PRKCH: variants seen among roughly 807,000 people sequenced by gnomAD.
PRKCH encodes protein kinase C eta type.
Under a neutral mutation model 82.5 loss-of-function variants are expected in PRKCH, and 28 were observed. The observed-to-expected ratio is 0.34, with a 90% CI of 0.25 to 0.47. The LOEUF (loss-of-function observed/expected upper bound fraction) is 0.47. Among genes scored for constraint, PRKCH ranks in the 20% least tolerant of loss-of-function variants. PRKCH has a pLI of 1.00. For synonymous variants in PRKCH, 322 were observed against 327.4 expected (o/e 0.98, Z 0.18); for missense variants, 705 against 881.8 (o/e 0.80, Z 2.54).
At chr14:61,451,277 A>C (rs1462680531) in intron 6 of PRKCH, among the ~76,000 whole-genome samples, 1 of 152,210 alleles carries the variant, frequency 6.6e-6, no homozygotes, top group Non-Finnish European at 1.5e-5. Flanking sequence ...AAAAGATGGG[A>C]TCTTAGTCAG....
chr14:61,363,266 T>C (rs982036828), intron 1 of PRKCH, among the ~76,000 whole-genome samples: 12 of 152,236 alleles, frequency 7.9e-5, no homozygotes, highest in African/African-American at 2.6e-4. Context: ...TGTTGAAAAA[T>C]TTTAAGCAGG....
chr14:61,533,660 A>G (rs2043071168), intron 12 of PRKCH, among the ~76,000 whole-genome samples: 1 of 152,196 alleles, frequency 6.6e-6, no homozygotes, highest in Non-Finnish European at 1.5e-5. Flanking sequence ...CCTTGGGCAA[A>G]TGGCCTAATT....
intron 2 of PRKCH, among the ~76,000 whole-genome samples, chr14:61,395,733 C>T (rs755001645): frequency 2.0e-5 from 3 of 152,152 alleles, no homozygotes; most frequent in Non-Finnish European, 1.5e-5. Flanking sequence ...GTCATTTCCC[C>T]TACCCCTGCC....
Position 61,413,473 on chromosome 14 carries a change from T to C in PRKCH, c.427+22185T>C, listed in dbSNP as rs374345600. 1.4e-4 allele frequency among the ~76,000 whole-genome samples: 20 copies of C among 139,788 alleles called. No individual in the cohort carries two copies. The South Asian group carries it at 4.6e-3, about 32-fold the overall frequency. 91.7% of individuals were successfully genotyped at this position (139,788 alleles called of 152,430 possible). A position where few individuals can be genotyped will look rare whatever the true frequency, so the allele number is the denominator to read the frequency against. ...CAAGTGGCTTAGATCCTACTTAATC[T>C]GGAAAATTGCATCAGGTGTGAGTGA... On this transcript the variant is annotated intron_variant, in intron 2 of 13. Coordinates refer to ENST00000332981, the MANE Select transcript of PRKCH (RefSeq NM_006255.5).
chr14:61,298,480 G>A (rs576758070), intron 1 of PRKCH: 3 of 152,244 alleles, frequency 2.0e-5, no homozygotes, highest in Non-Finnish European at 4.4e-5. Context: ...CCAGGATTTG[G>A]AACCAGGAAG....
At chr14:61,515,815 T>C (rs1486070318) in intron 10 of PRKCH, among the ~76,000 whole-genome samples, 5 of 152,220 alleles carry the variant, frequency 3.3e-5, no homozygotes, top group African/African-American at 1.2e-4. Context: ...TTGATTCTTA[T>C]AAAAATCATG....
intron 9 of PRKCH, among the ~76,000 whole-genome samples, chr14:61,461,537 TCACCAGGTGGTAACCTTTG>T (rs1260570833): frequency 6.6e-6 from 1 of 152,214 alleles, no homozygotes; most frequent in Non-Finnish European, 1.5e-5. Flanking sequence ...TAGATCATCT[TCACCAGGTGGTAACCTTTG>T]AGTCAAGCAG....
At chr14:61,247,177 G>A (rs996326914) in intron 1 of PRKCH, among the ~76,000 whole-genome samples, 1 of 151,846 alleles carries the variant, frequency 6.6e-6, no homozygotes, top group African/African-American at 2.4e-5. Flanking sequence ...GTAAGAGTTG[G>A]CATTCAAAAA....
At position 61,395,250 on chromosome 14, in the gene PRKCH, G is replaced by A. The variant is rs567199142; in HGVS notation, c.427+3962G>A. ...CGCTCCCTTGTCACATGCAGAGGAC[G>A]TGATGGCTGCCTGTCTGTGTTAAGT... On this transcript the variant is annotated intron_variant, in intron 2 of 13. Coordinates refer to ENST00000332981, the MANE Select transcript of PRKCH (RefSeq NM_006255.5). Among the ~76,000 whole-genome samples, 8 of 149,424 alleles carry A rather than the reference G, an allele frequency of 5.4e-5. No individual in the cohort carries two copies. The South Asian group carries it at 6.4e-4, about 12-fold the overall frequency.
chr14:61,203,572 TC>T (rs1487088323), intron 1 of PRKCH, among the ~76,000 whole-genome samples: 4 of 152,086 alleles, frequency 2.6e-5, no homozygotes, highest in Non-Finnish European at 5.9e-5. Context: ...AAAGCCTGAC[TC>T]CCAAGGTTGG....
intron 12 of PRKCH, among the ~76,000 whole-genome samples, chr14:61,536,269 G>T (rs144968668): frequency 2.4e-4 from 37 of 152,308 alleles, no homozygotes; most frequent in African/African-American, 8.9e-4. Context: ...GCCTTCTCAA[G>T]AAGTGTCCTT....
chr14:61,468,804 C>T (rs1448576153), intron 9 of PRKCH, among the ~76,000 whole-genome samples: 1 of 152,142 alleles, frequency 6.6e-6, no homozygotes. Flanking sequence ...TAATTTAAAT[C>T]TTTGATGTAA....
In PRKCH at chr14:61,280,804, G is replaced by T; in HGVS notation, c.-19+93136G>T. 6.4e-7 allele frequency: 1 copy of T among 1,561,590 alleles called. No individual in the cohort carries two copies. Among genetic ancestry groups the T allele is most frequent in the African/African-American group, 1.4e-5 (1 of 74,042 alleles). ...GCGCCGGTTGTTCTGGTAGAAGTTGGTCAGCTCGTAGTAGAGGTACACTGG... is the reference window on the plus strand; with the variant it reads ...GCGCCGGTTGTTCTGGTAGAAGTTGTTCAGCTCGTAGTAGAGGTACACTGG... On this transcript the variant is annotated intron_variant, in intron 1 of 3. Transcript: ENST00000555185. The surrounding 1 kb of genome is among the most constrained non-coding windows in gnomAD (Gnocchi z 5.0).
intron 1 of PRKCH, among the ~76,000 whole-genome samples, chr14:61,264,322 T>G (rs1351696250): frequency 6.6e-6 from 1 of 152,232 alleles, no homozygotes; most frequent in African/African-American, 2.4e-5. Flanking sequence ...TCTTGTTACA[T>G]GGGTTGGAAG....
At chr14:61,506,655 A>G (rs777769784) in intron 10 of PRKCH, among the ~76,000 whole-genome samples, 2 of 152,100 alleles carry the variant, frequency 1.3e-5, no homozygotes, top group Non-Finnish European at 2.9e-5. Flanking sequence ...GGCTACCAAG[A>G]AAAGAAAAAA....
chr14:61,224,889 T>TA (rs1050148842), intron 1 of PRKCH, among the ~76,000 whole-genome samples: 6 of 152,194 alleles, frequency 3.9e-5, no homozygotes, highest in Non-Finnish European at 5.9e-5. Context: ...GCAGGGCCCT[T>TA]AGGAGTGCCA....
intron 1 of PRKCH, among the ~76,000 whole-genome samples, chr14:61,365,376 T>C (rs1415799380): frequency 6.6e-6 from 1 of 152,142 alleles, no homozygotes; most frequent in East Asian, 1.9e-4. Flanking sequence ...CTTTTATGTA[T>C]TTACACTTTT....
At chr14:61,321,277 G>A (rs2045616156), upstream of PRKCH, among the ~76,000 whole-genome samples, 1 of 152,222 alleles carries the variant, frequency 6.6e-6, no homozygotes, top group Non-Finnish European at 1.5e-5. This position sits in a 1 kb window ranked among gnomAD's most constrained non-coding sequence, Gnocchi z 4.1. Context: ...CGGGTTCCTG[G>A]CTGGAGCGCC....
chr14:61,280,865 C>G lies in PRKCH; in HGVS notation c.-19+93197C>G, dbSNP rs757464392. On this transcript the variant is annotated intron_variant, in intron 1 of 3. Coordinates refer to the PRKCH transcript ENST00000555185. This position sits in a 1 kb window ranked among gnomAD's most constrained non-coding sequence, Gnocchi z 5.0. ...AGCTCGGGCAGCGAGAAGTACCAGG[C>G]GCACGAGCAGGGGGGCGGCAGCGCC... 2 of 1,567,524 alleles carry G rather than the reference C, an allele frequency of 1.3e-6. No individual in the cohort carries two copies. The highest frequency in any genetic ancestry group is 8.6e-7 in the Non-Finnish European group (1 of 1,164,874).
Sources: allele counts gnomAD v4.1 joint callset (sites outside exome capture counted in the v4.1 genomes callset), GRCh38; gene constraint gnomAD v4.1.1; non-coding constraint Gnocchi (gnomAD v3.1); transcripts MANE v1.5; gene names NCBI Gene and HGNC (gene_info 2026-07-23, HGNC 2026-07-21).